PCDHA8: variants seen among roughly 807,000 people sequenced by gnomAD.
The protein encoded by PCDHA8 is protocadherin alpha 8, also known as protocadherin alpha-8.
PCDHA8 carries 53 observed loss-of-function variants against 61.8 expected under a neutral mutation model. The ratio of observed to expected loss-of-function variants is 0.86; its 90% CI spans 0.69 to 1.08. The LOEUF (loss-of-function observed/expected upper bound fraction) is 1.08, where lower values mean the gene tolerates loss of function less well. PCDHA8 is among the 50% of genes least tolerant of loss of function. PCDHA8 has a pLI of 0.00. For missense variants in PCDHA8, 1,293 were observed against 1,245.0 expected, an observed-to-expected ratio of 1.04 and a Z score of -0.58; for synonymous variants, 618 against 556.6, an observed-to-expected ratio of 1.11 and a Z score of -1.55.
At position 140,938,754 on chromosome 5, in the gene PCDHA8, A is replaced by G. The variant is rs79400957; in HGVS notation, c.2395-40195A>G. Among the ~76,000 whole-genome samples the G allele has an allele frequency of 2.9e-3, 442 of 152,274 alleles. 1 individual carries two copies. Among genetic ancestry groups the G allele is most frequent in the African/African-American group, 0.01 (423 of 41,554 alleles). The stretch of plus-strand genomic sequence containing the variant: ...AAAAAATAATTATTTTTAAAGGCAT[A>G]GTTATTGGGTACTAGACTTAGTACC... On this transcript the variant is annotated intron_variant, in intron 1 of 3. Transcript: ENST00000531613.
At position 141,011,086 on chromosome 5, in the gene PCDHA8, C is replaced by T. The variant is rs1181884726; in HGVS notation, c.*1149C>T. The T allele has an allele frequency of 2.6e-5, 4 of 153,678 alleles. No homozygotes were observed. Among genetic ancestry groups the T allele is most frequent in the African/African-American group, 9.7e-5 (4 of 41,430 alleles). The allele number at this position is 153,678 out of a possible 1,614,324, so 9.5% of individuals were successfully genotyped here. On this transcript the variant is annotated 3_prime_UTR_variant, in exon 4 of 4. Coordinates refer to ENST00000531613, the MANE Select transcript of PCDHA8 (RefSeq NM_018911.3). ...TGTATTACTAAATAAAATGATCTCT[C>T]TTTCTCTCTCTCTCTCTCTTTTCTA...
At chr5:140,862,316 C>G (rs2047308112) in intron 1 of PCDHA8, 1 of 317,936 alleles carries the variant, frequency 3.1e-6, no homozygotes, top group Non-Finnish European at 6.2e-6. Context: ...CGTCATAGCC[C>G]TAATCAGTGT....
intron 1 of PCDHA8, among the ~76,000 whole-genome samples, chr5:140,954,835 A>G (rs1256515583): frequency 1.3e-5 from 2 of 152,146 alleles, no homozygotes; most frequent in Admixed American, 6.5e-5. Flanking sequence ...TTTTGTCATG[A>G]AATCTTTGCC....
intron 1 of PCDHA8, chr5:140,853,408 AG>A: frequency 1.0e-6 from 1 of 986,092 alleles, no homozygotes; most frequent in Middle Eastern, 5.3e-4. Flanking sequence ...CAAAACAGAG[AG>A]GTGAAAGCAG....
At chr5:140,851,144 T>C in intron 1 of PCDHA8, 1 of 1,310,570 alleles carries the variant, frequency 7.6e-7, no homozygotes, top group Non-Finnish European at 9.9e-7. Context: ...TAAAGTGACA[T>C]TGAATTTCTG....
chr5:140,869,191 C>CA (rs1554162609), intron 1 of PCDHA8: 1 of 1,613,878 alleles, frequency 6.2e-7, no homozygotes, highest in East Asian at 2.2e-5. Flanking sequence ...GGGGAGCGGC[C>CA]AGCTCCACTA....
intron 1 of PCDHA8, among the ~76,000 whole-genome samples, chr5:140,953,785 T>C (rs2094935669): frequency 6.6e-6 from 1 of 152,224 alleles, no homozygotes. Context: ...TTTATTTTTT[T>C]CTTCAACTTT....
chr5:140,950,749 C>G (rs1202993675), intron 1 of PCDHA8, among the ~76,000 whole-genome samples: 5 of 152,002 alleles, frequency 3.3e-5, no homozygotes, highest in African/African-American at 4.8e-5. Flanking sequence ...TTCTCTCTAT[C>G]CTTTCTGGAC....
intron 1 of PCDHA8, among the ~76,000 whole-genome samples, chr5:140,910,502 G>C (rs182167004): frequency 2.6e-4 from 39 of 152,266 alleles, no homozygotes. Flanking sequence ...CAATCACAAA[G>C]CTCTTCAAGG....
chr5:140,917,314 G>A (rs1554197960), intron 1 of PCDHA8, among the ~76,000 whole-genome samples: 1 of 142,492 alleles, frequency 7.0e-6, no homozygotes, highest in African/African-American at 2.6e-5. Context: ...ACAATTTGGT[G>A]TTCATGTGGC....
intron 1 of PCDHA8, among the ~76,000 whole-genome samples, chr5:140,936,745 T>C (rs2091123001): frequency 6.6e-6 from 1 of 152,234 alleles, no homozygotes; most frequent in Non-Finnish European, 1.5e-5. Context: ...ACTTTTCATT[T>C]GTATTGATAT....
Position 140,963,207 on chromosome 5 carries a change from C to A in PCDHA8, c.2395-15742C>A, listed in dbSNP as rs180756619. Among the ~76,000 whole-genome samples, 890 of 148,428 alleles carry A rather than the reference C, an allele frequency of 6.0e-3. 8 individuals are homozygous for A. Among genetic ancestry groups the A allele is most frequent in the African/African-American group, 0.021 (788 of 38,366 alleles). On this transcript the variant is annotated intron_variant, in intron 1 of 3. Transcript: ENST00000531613. Reference sequence around the variant, plus strand: ...TAGACTGTGAAAATGAAAAAAAAAACCTCGTGTTTAGAGTAGACACTGTTT... The same window carrying A: ...TAGACTGTGAAAATGAAAAAAAAAAACTCGTGTTTAGAGTAGACACTGTTT...
At chr5:140,930,527 A>C (rs73793525) in intron 1 of PCDHA8, 8,511 of 152,566 alleles carry the variant, frequency 0.056, 704 homozygotes, top group African/African-American at 0.18. Context: ...CTGGCCCTCA[A>C]ACTTCTTGAG....
At chr5:140,966,860 T>TTGC (rs148181752) in intron 1 of PCDHA8, 11 of 1,577,372 alleles carry the variant, frequency 7.0e-6, no homozygotes, top group Non-Finnish European at 9.4e-6. Flanking sequence ...CCTGCTGCTG[T>TTGC]TGCTGCTGCT....
intron 1 of PCDHA8, chr5:140,862,299 T>C: frequency 3.7e-6 from 1 of 273,624 alleles, no homozygotes; most frequent in Non-Finnish European, 7.2e-6. Flanking sequence ...GACGCTCCAC[T>C]GGGTACCGTC....
intron 1 of PCDHA8, among the ~76,000 whole-genome samples, chr5:140,915,164 G>T (rs782783727): frequency 2.6e-5 from 4 of 152,026 alleles, no homozygotes; most frequent in Non-Finnish European, 4.4e-5. Flanking sequence ...GGCCAGGATA[G>T]TCTCGATCTC....
At position 140,842,875 on chromosome 5, in the gene PCDHA8, C is replaced by T. The variant is rs2150347019; in HGVS notation, c.1554C>T (p.Tyr518=). ...TGCACACGGAGAGCGGCAAGGTGTA[C>T]GCGCTGCAGCCGCTGGACCACGAGG... is the stretch of plus-strand genomic sequence containing the variant. ...ISVHTESGKV[Y]ALQPLDHEEL... Residue 518 remains tyrosine, a synonymous_variant, in exon 1 of 4, where the codon TAC becomes TAT. Transcript: ENST00000531613. 2.5e-6 allele frequency: 4 copies of T among 1,593,864 alleles called. No homozygotes were observed. In the African/African-American group the frequency reaches 4.0e-5, roughly 16 times the overall value.
chr5:140,954,771 T>C (rs1314345691), intron 1 of PCDHA8, among the ~76,000 whole-genome samples: 2 of 152,230 alleles, frequency 1.3e-5, no homozygotes, highest in African/African-American at 4.8e-5. Context: ...AGCTCTTTAA[T>C]TTAATTAGAT....
chr5:140,890,220 C>A (rs955015481), intron 1 of PCDHA8, among the ~76,000 whole-genome samples: 18 of 152,044 alleles, frequency 1.2e-4, no homozygotes, highest in Non-Finnish European at 2.6e-4. Flanking sequence ...TCCCAGAGAC[C>A]TAGTTGTTAA....
Sources: gnomAD v4.1 joint callset for allele counts (sites outside exome capture counted in the v4.1 genomes callset) on GRCh38, gnomAD v4.1.1 for gene constraint, MANE v1.5 for transcripts, NCBI Gene and HGNC (gene_info 2026-07-23, HGNC 2026-07-21) for gene names.